Variants in CNOT4 observed in about 807,000 individuals in gnomAD.
The protein encoded by CNOT4 is CCR4-NOT transcription complex subunit 4.
Under a neutral mutation model 73.8 loss-of-function variants are expected in CNOT4, and 8 were observed. That is an observed-to-expected ratio of 0.11 (90% CI 0.06 to 0.20). The LOEUF (loss-of-function observed/expected upper bound fraction) is 0.20. CNOT4 is among the 10% of genes least tolerant of loss of function. The pLI, the probability that CNOT4 is intolerant of heterozygous loss-of-function variation, is 1.00. For synonymous variants in CNOT4, 293 were observed against 321.1 expected, an observed-to-expected ratio of 0.91 and a Z score of 0.94; for missense variants, 564 against 883.4, an observed-to-expected ratio of 0.64 and a Z score of 4.58.
intron 1 of CNOT4, among the ~76,000 whole-genome samples, chr7:135,494,470 CAAAAAAAAAAAAA>C (rs34284664): frequency 4.1e-5 from 3 of 73,056 alleles, no homozygotes; most frequent in African/African-American, 5.7e-5. Context: ...AATTCCGTCT[CAAAAAAAAAAAAA>C]AAAAAAAAAA....
rs1563023591 is a variant in CNOT4, at chr7:135,395,722, G to A, written c.1041C>T (p.Ile347=). ...FSDNFRHPNP[I]PSGLPPFPSS... ...TGGGGAAAGGAGGAAGCCCACTTGGGATAGGGTTGGGATGGCGAAAATTGT... is the reference window on the plus strand; with the variant it reads ...TGGGGAAAGGAGGAAGCCCACTTGGAATAGGGTTGGGATGGCGAAAATTGT... The change falls in exon 9 of 12, where the codon ATC becomes ATT. Residue 347 remains isoleucine (I), a synonymous_variant. Transcript: ENST00000541284. 1.9e-6 allele frequency: 3 copies of A among 1,613,650 alleles called. No individual in the cohort carries two copies. Among genetic ancestry groups the A allele is most frequent in the Non-Finnish European group, 2.5e-6 (3 of 1,179,830 alleles).
intron 2 of CNOT4, among the ~76,000 whole-genome samples, chr7:135,427,936 G>A (rs1321648447): frequency 6.6e-6 from 1 of 152,136 alleles, no homozygotes; most frequent in Non-Finnish European, 1.5e-5. Flanking sequence ...ACCAGCTCAT[G>A]GTAGTCTTTG....
At chr7:135,390,018 G>A (rs1202817493) in intron 10 of CNOT4, among the ~76,000 whole-genome samples, 1 of 152,000 alleles carries the variant, frequency 6.6e-6, no homozygotes, top group Non-Finnish European at 1.5e-5. Context: ...TATTAATAAG[G>A]ACTAAGAAAC....
At chr7:135,491,069 G>A (rs560937460) in intron 1 of CNOT4, among the ~76,000 whole-genome samples, 3 of 152,328 alleles carry the variant, frequency 2.0e-5, no homozygotes, top group African/African-American at 7.2e-5. Flanking sequence ...GCCAAGAACT[G>A]AGATGAGGAA....
intron 1 of CNOT4, among the ~76,000 whole-genome samples, chr7:135,447,080 C>T (rs1417869044): frequency 7.0e-6 from 1 of 143,690 alleles, no homozygotes; most frequent in Non-Finnish European, 1.6e-5. Flanking sequence ...ACTAAGCATT[C>T]ACACATTTGA....
At chr7:135,371,858 C>T (rs770767630) in intron 10 of CNOT4, among the ~76,000 whole-genome samples, 52 of 152,078 alleles carry the variant, frequency 3.4e-4, no homozygotes, top group African/African-American at 1.2e-3. Context: ...ATGTAAGCAA[C>T]GCTAAATGAG....
chr7:135,366,846 T>C (rs1218786438), intron 10 of CNOT4, among the ~76,000 whole-genome samples: 2 of 152,240 alleles, frequency 1.3e-5, no homozygotes, highest in Non-Finnish European at 2.9e-5. Context: ...AGCTTAATCC[T>C]AATCCCATCA....
At chr7:135,421,906 G>A (rs1457129587) in intron 3 of CNOT4, among the ~76,000 whole-genome samples, 1 of 152,194 alleles carries the variant, frequency 6.6e-6, no homozygotes, top group Non-Finnish European at 1.5e-5. Flanking sequence ...TTGTCAGCAC[G>A]TTAGAAATCT....
chr7:135,390,136 G>A (rs1796324544), intron 10 of CNOT4, among the ~76,000 whole-genome samples: 1 of 151,712 alleles, frequency 6.6e-6, no homozygotes, highest in South Asian at 2.1e-4. Flanking sequence ...TTGATAAAAA[G>A]GGACTTCCAA....
chr7:135,401,143 C>T (rs998326680), intron 7 of CNOT4, among the ~76,000 whole-genome samples: 10 of 152,144 alleles, frequency 6.6e-5, no homozygotes, highest in South Asian at 4.1e-4. Context: ...CTTGAGACTA[C>T]GACCAACAGG....
chr7:135,389,034 C>A, intron 10 of CNOT4: 1 of 700,444 alleles, frequency 1.4e-6, no homozygotes. Context: ...TGAAACAAGA[C>A]ATGAATTTTA....
At chr7:135,370,445 T>A (rs944287830) in intron 10 of CNOT4, among the ~76,000 whole-genome samples, 2 of 152,216 alleles carry the variant, frequency 1.3e-5, no homozygotes, top group Non-Finnish European at 2.9e-5. Context: ...TTTTATTCAA[T>A]CTTCCAAAAG....
At chr7:135,420,334 T>C (rs1798114098) in intron 3 of CNOT4, among the ~76,000 whole-genome samples, 2 of 151,986 alleles carry the variant, frequency 1.3e-5, no homozygotes, top group Admixed American at 1.3e-4. Flanking sequence ...CCCAGCACTT[T>C]GGGAGGCCAA....
intron 2 of CNOT4, among the ~76,000 whole-genome samples, chr7:135,436,423 C>T (rs1157250874): frequency 6.6e-6 from 1 of 151,652 alleles, no homozygotes; most frequent in Non-Finnish European, 1.5e-5. Flanking sequence ...GAGTCTTGGG[C>T]AATCCTGAAA....
chr7:135,491,857 T>C (rs143140130), intron 1 of CNOT4, among the ~76,000 whole-genome samples: 338 of 152,288 alleles, frequency 2.2e-3, no homozygotes, highest in Non-Finnish European at 4.3e-3. Flanking sequence ...TACTACACTG[T>C]ATATAAAGAA....
intron 1 of CNOT4, among the ~76,000 whole-genome samples, chr7:135,469,803 G>T (rs1801460246): frequency 2.6e-5 from 4 of 151,332 alleles, no homozygotes; most frequent in Non-Finnish European, 1.5e-5. Flanking sequence ...GTTGTTGGTG[G>T]TGATGTGTGG....
chr7:135,363,781 C>T lies in CNOT4; in HGVS notation c.1840+73G>A, dbSNP rs1165185485. 8.2e-6 allele frequency: 10 copies of T among 1,224,574 alleles called. No homozygotes were observed. Among genetic ancestry groups the T allele is most frequent in the Admixed American group, 6.3e-5 (3 of 47,374 alleles). The allele number at this position is 1,224,574 out of a possible 1,614,324, so 75.9% of individuals were successfully genotyped here. ...AAAGCAGCTTATGTTGAAGAGATCT[C>T]GGTTTTTATTTAATCTGTGCTAAAA... On this transcript the variant is annotated intron_variant, in intron 11 of 11. Coordinates refer to ENST00000541284, the MANE Select transcript of CNOT4 (RefSeq NM_001190850.2). The surrounding 1 kb of genome is among the most constrained non-coding windows in gnomAD (Gnocchi z 4.3).
intron 1 of CNOT4, among the ~76,000 whole-genome samples, chr7:135,476,134 T>C (rs1801978453): frequency 6.6e-6 from 1 of 152,082 alleles, no homozygotes; most frequent in African/African-American, 2.4e-5. Flanking sequence ...CTACAATATC[T>C]ATGACATCAA....
chr7:135,424,545 GA>G lies in CNOT4; in HGVS notation c.175-2193del, dbSNP rs112023945. Among the ~76,000 whole-genome samples the G allele has an allele frequency of 2.6e-5, 4 of 152,220 alleles. 1 individual carries two copies. The highest frequency in any genetic ancestry group is 9.6e-5 in the African/African-American group (4 of 41,526). Reference sequence around the variant, plus strand: ...CACGCCTGTAATTCCAGCACTTTGGGAGGCTGAGGTGGGTAGATCACTCGAG... The same window carrying G: ...CACGCCTGTAATTCCAGCACTTTGGGGGCTGAGGTGGGTAGATCACTCGAG... On this transcript the variant is annotated intron_variant, in intron 2 of 11. Coordinates refer to ENST00000541284, the MANE Select transcript of CNOT4 (RefSeq NM_001190850.2).
Sources: allele counts gnomAD v4.1 joint callset (sites outside exome capture counted in the v4.1 genomes callset), GRCh38; gene constraint gnomAD v4.1.1; non-coding constraint Gnocchi (gnomAD v3.1); transcripts MANE v1.5; gene names NCBI Gene and HGNC (gene_info 2026-07-23, HGNC 2026-07-21).